Variants in IDI1 observed in about 807,000 individuals in gnomAD.
IDI1 encodes isopentenyl-diphosphate Delta-isomerase 1.
Under a neutral mutation model 32.9 loss-of-function variants are expected in IDI1, and 23 were observed. The ratio of observed to expected loss-of-function variants is 0.70; its 90% CI spans 0.50 to 0.99. IDI1 has a LOEUF of 0.99. Ranked by LOEUF, IDI1 falls within the 50% of genes least tolerant of loss-of-function variation. The pLI is 0.00. For synonymous variants in IDI1, 133 were observed against 128.2 expected (o/e 1.04, Z -0.25); for missense variants, 326 against 351.9 (o/e 0.93, Z 0.59).
At chr10:1,045,866 G>GGTGTGTGT (rs10598743) in intron 1 of IDI1, among the ~76,000 whole-genome samples, 17,148 of 150,906 alleles carry the variant, frequency 0.11, 1,275 homozygotes, top group Non-Finnish European at 0.17. Flanking sequence ...ATAGGGTCTG[G>GGTGTGTGT]GTGTGTGTGT....
intron 4 of IDI1, among the ~76,000 whole-genome samples, chr10:1,042,181 CTTAT>C (rs1832619439): frequency 6.6e-6 from 1 of 151,986 alleles, no homozygotes; most frequent in South Asian, 2.1e-4. Context: ...TTATCCAGGT[CTTAT>C]TTAAGGGGGA....
rs1235007620 is a variant in IDI1 at position 1,048,866 on chromosome 10, G to C, written c.138C>G (p.Ile46Met). 1.9e-6 allele frequency: 3 copies of C among 1,606,242 alleles called. No homozygotes were observed. The highest frequency in any genetic ancestry group is 2.5e-6 in the Non-Finnish European group (3 of 1,177,404). ...ACTCCGCCGCCCGTCCACAGTACCT[G>C]ATCAGCCTCCGGCCACAGACAACCG... ...GPAVVCGRRL[I>M]SVLEQIRHFV... is the part of the protein sequence containing the mutation. The change falls in exon 1 of 5, where the codon ATC becomes ATG. Residue 46 changes from isoleucine to methionine, a missense_variant and splice_region_variant. Ile to Met is a conservative substitution (Grantham distance 10). Coordinates refer to ENST00000381344, the MANE Select transcript of IDI1 (RefSeq NM_004508.4).
At chr10:1,052,790 C>T (rs1431993550), upstream of IDI1, among the ~76,000 whole-genome samples, 1 of 152,158 alleles carries the variant, frequency 6.6e-6, no homozygotes, top group Non-Finnish European at 1.5e-5. Context: ...AACATAAAGT[C>T]ATCAGCTGCA....
upstream of IDI1, chr10:1,049,137 C>G: frequency 1.5e-6 from 2 of 1,378,924 alleles, no homozygotes; most frequent in Admixed American, 6.7e-5. Context: ...ACCGCGGGCT[C>G]TGGCGCCTTT....
chr10:1,050,446 A>G (rs1466231766), upstream of IDI1, among the ~76,000 whole-genome samples: 2 of 152,222 alleles, frequency 1.3e-5, no homozygotes, highest in Non-Finnish European at 2.9e-5. Flanking sequence ...AGGCTAAAAA[A>G]TAAGGATTAA....
At chr10:1,045,866 G>GGTGGGTGT (rs1554820709) in intron 1 of IDI1, among the ~76,000 whole-genome samples, 1 of 150,956 alleles carries the variant, frequency 6.6e-6, no homozygotes, top group Admixed American at 6.6e-5. Context: ...ATAGGGTCTG[G>GGTGGGTGT]GTGTGTGTGT....
chr10:1,043,701 T>C (rs771928731), intron 2 of IDI1: 1 of 641,962 alleles, frequency 1.6e-6, no homozygotes, highest in African/African-American at 1.8e-5. Context: ...TGCCCGCCTC[T>C]CTCCACTCTC....
Position 1,041,127 on chromosome 10 carries a change from A to G in IDI1, c.*60T>C. The G allele has an allele frequency of 1.0e-6, 1 of 959,112 alleles. No homozygotes were observed. The highest frequency in any genetic ancestry group is 1.5e-6 in the Non-Finnish European group (1 of 647,916). 59.4% of individuals were successfully genotyped at this position (959,112 alleles called of 1,614,324 possible). ...TAATGATAGAACTAAATTTAAAAGGAAAAAGTCATTCTAAGTTTGTTAAGC... is the reference window on the plus strand; with the variant it reads ...TAATGATAGAACTAAATTTAAAAGGGAAAAGTCATTCTAAGTTTGTTAAGC... On this transcript the variant is annotated 3_prime_UTR_variant, in exon 5 of 5. Transcript: ENST00000381344.
chr10:1,051,693 C>G (rs1285557185), upstream of IDI1, among the ~76,000 whole-genome samples: 2 of 152,182 alleles, frequency 1.3e-5, no homozygotes, highest in South Asian at 2.1e-4. Flanking sequence ...TAACCATCAG[C>G]TGAGCCTTCA....
Position 1,041,284 on chromosome 10 carries a change from C to G in IDI1, c.758G>C (p.Trp253Ser). 6.2e-7 allele frequency: 1 copy of G among 1,613,258 alleles called. No individual in the cohort carries two copies. Among genetic ancestry groups the G allele is most frequent in the Non-Finnish European group, 8.5e-7 (1 of 1,179,360 alleles). Residue 253 changes from tryptophan (W) to serine (S), a missense_variant, in exon 5 of 5, where the codon TGG (tryptophan) becomes TCG (serine). Coordinates refer to ENST00000381344, the MANE Select transcript of IDI1 (RefSeq NM_004508.4). ...AASGEIKITP[W>S]FKIIAATFLF... is the part of the protein sequence containing the mutation. Reference sequence around the variant, plus strand: ...AAAAGTCGCTGCAATAATTTTAAACCATGGCGTTATCTTAATTTCACCACT... The same window carrying G: ...AAAAGTCGCTGCAATAATTTTAAACGATGGCGTTATCTTAATTTCACCACT...
chr10:1,041,352 A>G lies in IDI1; in HGVS notation c.690T>C (p.Tyr230=), dbSNP rs747136468. The G allele has an allele frequency of 2.5e-6, 4 of 1,613,838 alleles. No individual in the cohort carries two copies. The highest frequency in any genetic ancestry group is 2.2e-5 in the East Asian group (1 of 44,808). The change falls in exon 5 of 5, where the codon TAT becomes TAC. Residue 230 remains tyrosine, a synonymous_variant. Transcript: ENST00000381344. Reference sequence around the variant, plus strand: ...GTTCTTTTAGTTCTTCCTTTGACACATAACAATAGCTTTTAATCTCATTGG... The same window carrying G: ...GTTCTTTTAGTTCTTCCTTTGACACGTAACAATAGCTTTTAATCTCATTGG... ...PDPNEIKSYC[Y]VSKEELKELL... is the part of the protein sequence containing the mutation.
upstream of IDI1, among the ~76,000 whole-genome samples, chr10:1,053,538 C>T (rs1420477444): frequency 6.6e-6 from 1 of 152,172 alleles, no homozygotes; most frequent in African/African-American, 2.4e-5. Flanking sequence ...ATTTTCTTAC[C>T]ATTTGTGTAT....
intron 3 of IDI1, 114 bp from the exon 4 acceptor site, chr10:1,042,876 T>G: frequency 1.2e-6 from 1 of 865,044 alleles, no homozygotes; most frequent in Non-Finnish European, 1.8e-6. Context: ...GATTTTAAAA[T>G]CAGTTATAAT....
chr10:1,050,447 T>A (rs1832976103), upstream of IDI1, among the ~76,000 whole-genome samples: 1 of 151,568 alleles, frequency 6.6e-6, no homozygotes, highest in Non-Finnish European at 1.5e-5. Context: ...GGCTAAAAAA[T>A]AAGGATTAAG....
At chr10:1,044,941 G>A (rs2131578579) in intron 1 of IDI1, among the ~76,000 whole-genome samples, 1 of 152,378 alleles carries the variant, frequency 6.6e-6, no homozygotes, top group South Asian at 2.1e-4. Context: ...CAGGCAATAG[G>A]TGAACTGGGC....
chr10:1,044,781 C>T (rs1040582716), intron 1 of IDI1, among the ~76,000 whole-genome samples: 6 of 152,164 alleles, frequency 3.9e-5, no homozygotes, highest in Non-Finnish European at 7.3e-5. Flanking sequence ...CAATTTCCCC[C>T]AGGACAGTAC....
chr10:1,041,154 G>A lies in IDI1; in HGVS notation c.*33C>T, dbSNP rs1832566637. The A allele has an allele frequency of 1.6e-6, 2 of 1,236,514 alleles. No homozygotes were observed. The highest frequency in any genetic ancestry group is 2.3e-6 in the Non-Finnish European group (2 of 874,448). 76.6% of individuals were successfully genotyped at this position (1,236,514 alleles called of 1,614,324 possible). A position where few individuals can be genotyped will look rare whatever the true frequency, so the allele number is the denominator to read the frequency against. ...AAAGTCATTCTAAGTTTGTTAAGCA[G>A]ATAAATTTTTCTGTAATCATTTACC... On this transcript the variant is annotated 3_prime_UTR_variant, in exon 5 of 5. Transcript: ENST00000381344.
intron 3 of IDI1, among the ~76,000 whole-genome samples, 180 bp downstream of exon 3, chr10:1,043,121 G>T (rs1342689424): frequency 1.3e-5 from 2 of 152,112 alleles, no homozygotes; most frequent in African/African-American, 2.4e-5. Flanking sequence ...TTGCTTACTA[G>T]TTCTTATTTT....
chr10:1,040,075 TAAG>T lies in IDI1; in HGVS notation c.*1109_*1111del, dbSNP rs1457287564. 1.3e-5 allele frequency: 2 copies of T among 152,242 alleles called. No individual in the cohort carries two copies. Among genetic ancestry groups the T allele is most frequent in the Non-Finnish European group, 2.9e-5 (2 of 68,036 alleles). The allele number at this position is 152,242 out of a possible 1,614,324, so 9.4% of individuals were successfully genotyped here. A position where few individuals can be genotyped will look rare whatever the true frequency, so the allele number is the denominator to read the frequency against. ...TTTTTCTTCATTATCATACAGCATT[TAAG>T]AATAATAAATCTGTCTTGAGGTTTC... On this transcript the variant is annotated 3_prime_UTR_variant, in exon 5 of 5. Transcript: ENST00000381344.
Sources: allele counts gnomAD v4.1 joint callset (sites outside exome capture counted in the v4.1 genomes callset), GRCh38; gene constraint gnomAD v4.1.1; transcripts MANE v1.5; gene names NCBI Gene and HGNC (gene_info 2026-07-23, HGNC 2026-07-21).